FARP1: variants seen among roughly 807,000 people sequenced by gnomAD.
FARP1 encodes the protein FERM, ARH/RhoGEF and pleckstrin domain protein 1, also known as FERM, ARHGEF and pleckstrin domain-containing protein 1.
In FARP1, 52 loss-of-function variants were observed where a neutral mutation model predicts 128.8. That is an observed-to-expected ratio of 0.40 (90% CI 0.32 to 0.51). The LOEUF is 0.51. FARP1 is among the 20% of genes least tolerant of loss of function. The probability of loss-of-function intolerance (pLI) is 0.45; values close to 1 mark genes in which losing one functional copy is unlikely to be tolerated. For missense variants in FARP1, 1,333 were observed against 1,367.9 expected, an observed-to-expected ratio of 0.97 and a Z score of 0.40; for synonymous variants, 580 against 551.8, an observed-to-expected ratio of 1.05 and a Z score of -0.72.
chr13:98,369,915 G>A (rs1261440947), intron 5 of FARP1, among the ~76,000 whole-genome samples: 1 of 152,168 alleles, frequency 6.6e-6, no homozygotes, highest in African/African-American at 2.4e-5. Context: ...ATTTATCAAA[G>A]GGATGAAGAT....
In FARP1 at chr13:98,450,846, A is replaced by C. The variant is rs780252356; in HGVS notation, c.*2529A>C. The C allele has an allele frequency of 6.6e-6, 1 of 152,268 alleles. No individual in the cohort carries two copies. Among genetic ancestry groups the C allele is most frequent in the Admixed American group, 6.5e-5 (1 of 15,288 alleles). 9.4% of individuals were successfully genotyped at this position (152,268 alleles called of 1,614,324 possible). The stretch of plus-strand genomic sequence containing the variant: ...CAGCTTCCTTGGCTAAGATGCCCTT[A>C]AAAACATTGGGGCTGATTTTGTGCG... On this transcript the variant is annotated 3_prime_UTR_variant, in exon 27 of 27. Transcript: ENST00000319562.
intron 2 of FARP1, among the ~76,000 whole-genome samples, chr13:98,278,211 TTG>T (rs1490856083): frequency 6.7e-6 from 1 of 148,472 alleles, no homozygotes; most frequent in African/African-American, 2.6e-5. Flanking sequence ...TGTCTTTGTG[TTG>T]TGTGTGAGTG....
intron 2 of FARP1, chr13:98,245,281 C>T (rs1191915813): frequency 6.1e-6 from 6 of 983,238 alleles, no homozygotes; most frequent in African/African-American, 3.5e-5. Context: ...TTTAGAAAGG[C>T]GAATAAAGTC....
At chr13:98,330,754 C>CA (rs58106642) in intron 2 of FARP1, among the ~76,000 whole-genome samples, 70,326 of 146,980 alleles carry the variant, frequency 0.48, 16,470 homozygotes, top group South Asian at 0.53. Flanking sequence ...GACTCCATCT[C>CA]AAAAAAAAAA....
At chr13:98,205,477 C>T (rs1880212233) in intron 1 of FARP1, among the ~76,000 whole-genome samples, 1 of 151,926 alleles carries the variant, frequency 6.6e-6, no homozygotes, top group African/African-American at 2.4e-5. Context: ...ACTGCAAGCT[C>T]CACCTCCCGG....
At chr13:98,295,661 T>C (rs150488111) in intron 2 of FARP1, among the ~76,000 whole-genome samples, 2 of 152,296 alleles carry the variant, frequency 1.3e-5, no homozygotes, top group African/African-American at 4.8e-5. Flanking sequence ...ATGGTTCAAA[T>C]AATAAAGAGA....
At chr13:98,351,582 A>G (rs1348947199) in intron 3 of FARP1, among the ~76,000 whole-genome samples, 1 of 151,274 alleles carries the variant, frequency 6.6e-6, no homozygotes, top group Non-Finnish European at 1.5e-5. Flanking sequence ...ACTGCTCTCC[A>G]GCCTGGGCAA....
intron 1 of FARP1, among the ~76,000 whole-genome samples, chr13:98,179,678 C>T (rs983592173): frequency 2.0e-5 from 3 of 151,848 alleles, no homozygotes; most frequent in African/African-American, 7.3e-5. Context: ...TCCTGGTCTA[C>T]CCCATCTCTA....
intron 19 of FARP1, 112 bp downstream of exon 19, chr13:98,435,818 T>C (rs776006405): frequency 1.8e-6 from 2 of 1,112,092 alleles, no homozygotes; most frequent in South Asian, 2.5e-5. Context: ...AATGTCCTCT[T>C]TCCATCCACC....
At chr13:98,262,010 C>T (rs375142647) in intron 2 of FARP1, among the ~76,000 whole-genome samples, 1 of 147,312 alleles carries the variant, frequency 6.8e-6, no homozygotes, top group Non-Finnish European at 1.5e-5. Context: ...TGTGCCCACC[C>T]CCGCCCCCCC....
At chr13:98,364,286 G>A (rs1888994429) in intron 3 of FARP1, among the ~76,000 whole-genome samples, 1 of 152,152 alleles carries the variant, frequency 6.6e-6, no homozygotes, top group Non-Finnish European at 1.5e-5. Flanking sequence ...AGTAGAGTAA[G>A]ATGGTGCCTG....
At chr13:98,424,456 A>G (rs1281959399) in intron 16 of FARP1, 116 bp from the exon 17 acceptor site, 2 of 715,994 alleles carry the variant, frequency 2.8e-6, no homozygotes, top group South Asian at 3.0e-5. Flanking sequence ...TAAGAAGTTC[A>G]GGAGATGTCC....
intron 24 of FARP1, chr13:98,445,186 C>T (rs1281611905): frequency 6.6e-6 from 1 of 152,238 alleles, no homozygotes; most frequent in Non-Finnish European, 1.5e-5. Context: ...GAGGCAGACT[C>T]GGAGGTCTGT....
Position 98,191,754 on chromosome 13 carries a change from C to G in FARP1, c.-23-21466C>G, listed in dbSNP as rs180870835. Reference sequence around the variant, plus strand: ...GGTTAGGAGTTTGAGACCAACTTGGCCAACATGGAAAAACCCCGTCCCTAC... The same window carrying G: ...GGTTAGGAGTTTGAGACCAACTTGGGCAACATGGAAAAACCCCGTCCCTAC... On this transcript the variant is annotated intron_variant, in intron 1 of 26. Coordinates refer to ENST00000319562, the MANE Select transcript of FARP1 (RefSeq NM_005766.4). Among the ~76,000 whole-genome samples, 397 of 152,196 alleles carry G rather than the reference C, an allele frequency of 2.6e-3. 2 individuals carry two copies. The highest frequency in any genetic ancestry group is 9.2e-3 in the African/African-American group (381 of 41,532).
chr13:98,440,075 C>T, intron 22 of FARP1, 32 bp downstream of exon 22: 2 of 1,609,548 alleles, frequency 1.2e-6, no homozygotes, highest in Non-Finnish European at 1.7e-6. Context: ...TGCCTGTTTC[C>T]CCTTTGATGT....
chr13:98,377,787 T>A (rs1889655915), intron 5 of FARP1, 34 bp from the exon 6 acceptor site: 1 of 1,566,440 alleles, frequency 6.4e-7, no homozygotes, highest in Non-Finnish European at 8.8e-7. Context: ...TCCTGCCCTC[T>A]TTGCCTGACG....
chr13:98,436,361 C>T (rs1301965363), intron 19 of FARP1, among the ~76,000 whole-genome samples: 2 of 152,160 alleles, frequency 1.3e-5, no homozygotes, highest in African/African-American at 4.8e-5. Context: ...CACTTCCCTT[C>T]CTAGAAAGCC....
intron 2 of FARP1, among the ~76,000 whole-genome samples, chr13:98,257,429 C>T: frequency 6.6e-6 from 1 of 151,470 alleles, no homozygotes; most frequent in East Asian, 1.9e-4. Context: ...TCTGTACGCC[C>T]TTCTTTCTGC....
chr13:98,352,832 AACCCT>A (rs2139916354), intron 3 of FARP1, among the ~76,000 whole-genome samples: 1 of 152,290 alleles, frequency 6.6e-6, no homozygotes, highest in East Asian at 1.9e-4. Context: ...AACTCCAGGA[AACCCT>A]ACAAGTCAAC....
Sources: gnomAD v4.1 joint callset for allele counts (sites outside exome capture counted in the v4.1 genomes callset) on GRCh38, gnomAD v4.1.1 for gene constraint, MANE v1.5 for transcripts, NCBI Gene and HGNC (gene_info 2026-07-23, HGNC 2026-07-21) for gene names.